ENTHD1: variants seen among roughly 807,000 people sequenced by gnomAD.
ENTHD1 encodes ENTH domain-containing protein 1.
ENTHD1 carries 23 observed loss-of-function variants against 39.1 expected under a neutral mutation model. The observed-to-expected ratio is 0.59, with a 90% CI of 0.42 to 0.83. The LOEUF (loss-of-function observed/expected upper bound fraction) is 0.83, where lower values mean the gene tolerates loss of function less well. Among genes scored for constraint, ENTHD1 ranks in the 40% least tolerant of loss-of-function variants. ENTHD1 has a pLI of 0.00. For missense variants in ENTHD1, 624 were observed against 705.4 expected (o/e 0.88, Z 1.31); for synonymous variants, 230 against 258.2 (o/e 0.89, Z 1.05).
intron 4 of ENTHD1, among the ~76,000 whole-genome samples, chr22:39,828,836 T>C (rs891407348): frequency 1.3e-5 from 2 of 152,202 alleles, no homozygotes; most frequent in Non-Finnish European, 2.9e-5. Flanking sequence ...CAGTCATAAA[T>C]TTAAAGTCTT....
intron 6 of ENTHD1, among the ~76,000 whole-genome samples, chr22:39,757,508 C>G (rs563138530): frequency 1.3e-5 from 2 of 152,174 alleles, no homozygotes; most frequent in South Asian, 4.2e-4. Context: ...GAAACCCCAT[C>G]TCTACTAAAA....
At chr22:39,822,276 C>T (rs925656406) in intron 4 of ENTHD1, among the ~76,000 whole-genome samples, 3 of 151,752 alleles carry the variant, frequency 2.0e-5, no homozygotes, top group Non-Finnish European at 4.4e-5. Flanking sequence ...ACATGTAGAG[C>T]TCGATAACTT....
intron 6 of ENTHD1, among the ~76,000 whole-genome samples, chr22:39,764,166 A>G (rs5995782): frequency 3.3e-5 from 5 of 152,268 alleles, no homozygotes; most frequent in African/African-American, 1.2e-4. Context: ...GAGTCTGTTT[A>G]AAAGATTCAC....
At chr22:39,849,609 G>C (rs183208728) in intron 3 of ENTHD1, among the ~76,000 whole-genome samples, 4 of 152,236 alleles carry the variant, frequency 2.6e-5, no homozygotes, top group Admixed American at 2.6e-4. Context: ...ACAGTGTACA[G>C]ATTTTGTACT....
In ENTHD1 at chr22:39,765,483, T is replaced by G; in HGVS notation, c.959A>C (p.Gln320Pro). 1 of 1,613,986 alleles carries G rather than the reference T, an allele frequency of 6.2e-7. No individual in the cohort carries two copies. The highest frequency in any genetic ancestry group is 8.5e-7 in the Non-Finnish European group (1 of 1,179,958). Residue 320 changes from glutamine (Q) to proline (P), a missense_variant, in exon 6 of 7, where the codon CAA becomes CCA. Coordinates refer to ENST00000325157, the MANE Select transcript of ENTHD1 (RefSeq NM_152512.4). ...TGTTTTAAGACCTTCTGCAGCTGATTGCTTTTCTAAAGGTGTTTCCAAGAG... is the reference window on the plus strand; with the variant it reads ...TGTTTTAAGACCTTCTGCAGCTGATGGCTTTTCTAAAGGTGTTTCCAAGAG... ...ENLLETPLEK[Q>P]SAAEGLKTLT...
chr22:39,772,605 A>G (rs189942100), intron 5 of ENTHD1, among the ~76,000 whole-genome samples: 1 of 152,336 alleles, frequency 6.6e-6, no homozygotes, highest in East Asian at 1.9e-4. Flanking sequence ...AACACCGACA[A>G]AACAAGGAGA....
Position 39,879,462 on chromosome 22 carries a change from C to CAAA in ENTHD1, c.349+7935_349+7937dup, listed in dbSNP as rs34372930. On this transcript the variant is annotated intron_variant, in intron 2 of 6. Transcript: ENST00000325157. The stretch of plus-strand genomic sequence containing the variant: ...TGGGTGACAGAGTGAGACTCTGTCT[C>CAAA]AAAAAAAAAAAAAAAAAAAAAAAAA... 6.4e-3 allele frequency among the ~76,000 whole-genome samples: 106 copies of CAAA among 16,448 alleles called. 11 individuals carry two copies. Among genetic ancestry groups the CAAA allele is most frequent in the African/African-American group, 0.02 (82 of 4,056 alleles). 10.8% of individuals were successfully genotyped at this position (16,448 alleles called of 152,430 possible).
At chr22:39,825,947 C>T (rs1291876077) in intron 4 of ENTHD1, among the ~76,000 whole-genome samples, 1 of 152,168 alleles carries the variant, frequency 6.6e-6, no homozygotes, top group Non-Finnish European at 1.5e-5. Context: ...ATGACTTGGG[C>T]CCACTGCAAG....
chr22:39,753,992 C>G (rs1366845499), intron 6 of ENTHD1, among the ~76,000 whole-genome samples: 2 of 152,212 alleles, frequency 1.3e-5, no homozygotes, highest in Non-Finnish European at 2.9e-5. Flanking sequence ...GATCCCCATT[C>G]TCCACCCCTT....
At chr22:39,770,393 T>C (rs565292850) in intron 5 of ENTHD1, among the ~76,000 whole-genome samples, 1 of 152,234 alleles carries the variant, frequency 6.6e-6, no homozygotes, top group East Asian at 1.9e-4. Context: ...AAAGAATGCG[T>C]TCTTGCCAGT....
intron 6 of ENTHD1, among the ~76,000 whole-genome samples, chr22:39,747,154 T>C (rs887352415): frequency 1.3e-5 from 2 of 152,098 alleles, no homozygotes; most frequent in Admixed American, 1.3e-4. Context: ...TGCCTGGCTC[T>C]TTTCTTGAAT....
At chr22:39,768,452 C>A (rs1004290404) in intron 5 of ENTHD1, among the ~76,000 whole-genome samples, 5 of 152,138 alleles carry the variant, frequency 3.3e-5, no homozygotes, top group African/African-American at 9.7e-5. Flanking sequence ...TCCTGGAATA[C>A]CCTCTTCTTC....
chr22:39,835,189 C>T (rs1018125566), intron 4 of ENTHD1, among the ~76,000 whole-genome samples: 4 of 151,978 alleles, frequency 2.6e-5, no homozygotes, highest in South Asian at 2.1e-4. Flanking sequence ...TACCAATATC[C>T]GTTTTCTGGT....
chr22:39,890,552 A>G (rs1426236648), intron 1 of ENTHD1, among the ~76,000 whole-genome samples: 1 of 152,082 alleles, frequency 6.6e-6, no homozygotes, highest in East Asian at 1.9e-4. Flanking sequence ...TTTTTTGGAT[A>G]GCTATCTATC....
At chr22:39,812,186 T>A (rs2065693329) in intron 5 of ENTHD1, among the ~76,000 whole-genome samples, 1 of 152,058 alleles carries the variant, frequency 6.6e-6, no homozygotes. Context: ...AAGGAGTATG[T>A]ATAGGATTGG....
At chr22:39,755,819 T>C (rs573934176) in intron 6 of ENTHD1, among the ~76,000 whole-genome samples, 2 of 152,164 alleles carry the variant, frequency 1.3e-5, no homozygotes, top group Non-Finnish European at 2.9e-5. Flanking sequence ...CATTTGTAAA[T>C]TTATTAAATC....
At chr22:39,748,103 G>A (rs530576548) in intron 6 of ENTHD1, among the ~76,000 whole-genome samples, 11 of 152,204 alleles carry the variant, frequency 7.2e-5, no homozygotes, top group African/African-American at 2.6e-4. Context: ...ACAAAAATTA[G>A]TTGGGCATGG....
At chr22:39,847,411 C>T (rs978669567) in intron 3 of ENTHD1, among the ~76,000 whole-genome samples, 2 of 149,918 alleles carry the variant, frequency 1.3e-5, no homozygotes, top group African/African-American at 4.9e-5. Flanking sequence ...AGGAGATACA[C>T]CTAATGCTAA....
chr22:39,819,717 A>G (rs2065765468), intron 5 of ENTHD1, among the ~76,000 whole-genome samples: 1 of 152,224 alleles, frequency 6.6e-6, no homozygotes, highest in African/African-American at 2.4e-5. Flanking sequence ...CCAAAAGGGA[A>G]GCCCAATATA....
Sources: allele counts gnomAD v4.1 joint callset (sites outside exome capture counted in the v4.1 genomes callset), GRCh38; gene constraint gnomAD v4.1.1; transcripts MANE v1.5; gene names NCBI Gene and HGNC (gene_info 2026-07-23, HGNC 2026-07-21).